The following OR14I1 variants were observed in gnomAD, a reference collection of about 807,000 sequenced individuals.
OR14I1 encodes the protein olfactory receptor family 14 subfamily I member 1, also known as olfactory receptor 14I1.
For synonymous variants in OR14I1, 118 were observed against 71.1 expected (o/e 1.66, Z -3.32); for missense variants, 279 against 181.8 (o/e 1.53, Z -3.07).
chr1:248,694,527 A>G, the OR14I1 span, among the ~76,000 whole-genome samples: 1 of 152,150 alleles, frequency 6.6e-6, no homozygotes, highest in Non-Finnish European at 1.5e-5. Flanking sequence ...TTTTATATCA[A>G]ATGCTCTACA....
chr1:248,686,794 T>C (rs1661663540), upstream of OR14I1, among the ~76,000 whole-genome samples: 1 of 119,660 alleles, frequency 8.4e-6, no homozygotes, highest in East Asian at 2.8e-4. Flanking sequence ...AGCTTCTCAA[T>C]ATGTATTCAC....
chr1:248,697,131 G>A, the OR14I1 span: 1 of 152,204 alleles, frequency 6.6e-6, no homozygotes, highest in East Asian at 1.9e-4. Context: ...TGCAAGGAAG[G>A]AAATGCGATA....
upstream of OR14I1, among the ~76,000 whole-genome samples, chr1:248,687,027 G>T (rs1661668497): frequency 6.6e-6 from 1 of 152,182 alleles, no homozygotes; most frequent in African/African-American, 2.4e-5. Context: ...GGTCTCAGGA[G>T]GATGCTGCCT....
At chr1:248,702,572 G>A in the OR14I1 span, among the ~76,000 whole-genome samples, 3 of 152,002 alleles carry the variant, frequency 2.0e-5, no homozygotes, top group Non-Finnish European at 4.4e-5. Context: ...ATCTCTCACT[G>A]TAGTATTGCC....
At chr1:248,695,391 G>A in the OR14I1 span, among the ~76,000 whole-genome samples, 22 of 151,644 alleles carry the variant, frequency 1.5e-4, no homozygotes, top group Non-Finnish European at 1.0e-4. Flanking sequence ...CCGCCACCAC[G>A]CCCAGCTAAT....
At chr1:248,690,424 AC>A in the OR14I1 span, among the ~76,000 whole-genome samples, 9 of 152,186 alleles carry the variant, frequency 5.9e-5, 1 homozygote, top group Middle Eastern at 0.01. Flanking sequence ...ACAAATATAA[AC>A]TACCATCAGA....
chr1:248,691,112 C>CA, the OR14I1 span, among the ~76,000 whole-genome samples: 1 of 152,094 alleles, frequency 6.6e-6, no homozygotes, highest in South Asian at 2.1e-4. Context: ...AGGTTGCTTC[C>CA]AAAAAGAATT....
the OR14I1 span, among the ~76,000 whole-genome samples, chr1:248,693,368 A>G: frequency 1.2e-4 from 18 of 152,254 alleles, no homozygotes; most frequent in South Asian, 4.2e-4. Context: ...TTGATGAGAA[A>G]GAGAAGGGCA....
chr1:248,698,164 G>C, the OR14I1 span, among the ~76,000 whole-genome samples: 1 of 152,172 alleles, frequency 6.6e-6, no homozygotes, highest in Non-Finnish European at 1.5e-5. Context: ...TAACCATGTT[G>C]GTTGGTCTCT....
chr1:248,681,586 G>C (rs1195787908), exon 1 of OR14I1: 3 of 781,026 alleles, frequency 3.8e-6, no homozygotes, highest in Non-Finnish European at 7.2e-6. Context: ...GAGCTGGGGG[G>C]AGCAGGTGGA....
At chr1:248,693,899 TAAA>T in the OR14I1 span, among the ~76,000 whole-genome samples, 195 of 132,374 alleles carry the variant, frequency 1.5e-3, 1 homozygote, top group African/African-American at 5.3e-3. Context: ...CAGAACTTTT[TAAA>T]AAAAAAAAAA....
downstream of OR14I1, chr1:248,681,296 T>G (rs375050455): frequency 3.4e-6 from 2 of 595,880 alleles, no homozygotes; most frequent in Non-Finnish European, 6.0e-6. Flanking sequence ...TTTTTTCATC[T>G]TTTTTTGTCA....
the OR14I1 span, among the ~76,000 whole-genome samples, chr1:248,700,733 A>G: frequency 2.0e-5 from 3 of 152,210 alleles, no homozygotes; most frequent in Admixed American, 2.0e-4. Flanking sequence ...CAAACACTCT[A>G]TGAAAAGTGT....
the OR14I1 span, among the ~76,000 whole-genome samples, chr1:248,699,925 T>A: frequency 6.7e-6 from 1 of 149,764 alleles, no homozygotes; most frequent in Non-Finnish European, 1.5e-5. Flanking sequence ...GCCCAGCTAA[T>A]TTTTTATATT....
the OR14I1 span, among the ~76,000 whole-genome samples, chr1:248,699,926 T>C: frequency 6.6e-6 from 1 of 152,060 alleles, no homozygotes; most frequent in Non-Finnish European, 1.5e-5. Context: ...CCCAGCTAAT[T>C]TTTTATATTT....
the OR14I1 span, among the ~76,000 whole-genome samples, chr1:248,694,032 A>T: frequency 6.6e-6 from 1 of 152,094 alleles, no homozygotes; most frequent in Non-Finnish European, 1.5e-5. Flanking sequence ...TTCACATGCC[A>T]TTGCCTTGGG....
chr1:248,690,737 C>T, the OR14I1 span, among the ~76,000 whole-genome samples: 13 of 150,040 alleles, frequency 8.7e-5, no homozygotes, highest in African/African-American at 3.2e-4. Flanking sequence ...TTTATGAGGC[C>T]AGCATCACCC....
chr1:248,690,895 C>T, the OR14I1 span, among the ~76,000 whole-genome samples: 10 of 152,242 alleles, frequency 6.6e-5, no homozygotes, highest in South Asian at 1.0e-3. Flanking sequence ...TTATCCATCA[C>T]GATCAAGTAG....
At chr1:248,695,133 A>G in the OR14I1 span, among the ~76,000 whole-genome samples, 3 of 152,308 alleles carry the variant, frequency 2.0e-5, no homozygotes, top group South Asian at 6.2e-4. Context: ...AGGTCTCTCT[A>G]ACGTTAACCA....
Sources: allele counts gnomAD v4.1 joint callset (sites outside exome capture counted in the v4.1 genomes callset), GRCh38; gene constraint gnomAD v4.1.1; transcripts MANE v1.5; gene names NCBI Gene and HGNC (gene_info 2026-07-23, HGNC 2026-07-21).